Variants in SLCO4C1 observed in about 807,000 individuals in gnomAD.
SLCO4C1 encodes solute carrier organic anion transporter family member 4C1.
Under a neutral mutation model 72.1 loss-of-function variants are expected in SLCO4C1, and 58 were observed. The observed-to-expected ratio is 0.80, with a 90% CI of 0.65 to 1.00. The LOEUF (loss-of-function observed/expected upper bound fraction) is 1.00. Ranked by LOEUF, SLCO4C1 falls within the 50% of genes least tolerant of loss-of-function variation. SLCO4C1 has a pLI of 0.00. For missense variants in SLCO4C1, 898 were observed against 857.9 expected (o/e 1.05, Z -0.58); for synonymous variants, 297 against 312.5 (o/e 0.95, Z 0.52).
chr5:102,273,799 T>A (rs1309754375), intron 2 of SLCO4C1, among the ~76,000 whole-genome samples: 1 of 152,178 alleles, frequency 6.6e-6, no homozygotes, highest in Non-Finnish European at 1.5e-5. Context: ...ATACAGTTTA[T>A]AAAATAGCTA....
chr5:102,261,883 C>A, intron 5 of SLCO4C1, 29 bp downstream of exon 5: 4 of 1,584,108 alleles, frequency 2.5e-6, no homozygotes, highest in East Asian at 2.3e-5. Context: ...TAAAATAAAC[C>A]TCTCTGGTTT....
intron 3 of SLCO4C1, among the ~76,000 whole-genome samples, chr5:102,264,633 C>T (rs1221751591): frequency 6.6e-6 from 1 of 150,408 alleles, no homozygotes; most frequent in Non-Finnish European, 1.5e-5. Flanking sequence ...TGGGAACATT[C>T]AACATCCCCT....
chr5:102,254,634 C>A (rs1247134176), intron 8 of SLCO4C1, among the ~76,000 whole-genome samples: 1 of 152,180 alleles, frequency 6.6e-6, no homozygotes, highest in African/African-American at 2.4e-5. Flanking sequence ...AGGCAAGACT[C>A]TCTACCAGCA....
intron 3 of SLCO4C1, 107 bp from the exon 4 acceptor site, chr5:102,263,887 CAT>C: frequency 2.5e-6 from 2 of 785,968 alleles, no homozygotes; most frequent in Non-Finnish European, 4.1e-6. Flanking sequence ...AACAATTAAA[CAT>C]ATCAAAATCA....
chr5:102,291,500 T>G lies in SLCO4C1; in HGVS notation c.462A>C (p.Ser154=), dbSNP rs775698981. Residue 154 remains serine, a synonymous_variant, in exon 2 of 13, where the codon TCA becomes TCC. Coordinates refer to ENST00000310954, the MANE Select transcript of SLCO4C1 (RefSeq NM_180991.5). ...ATACAAATAAAGACAACAAACAGAA[T>G]GAAATATCGTAGCTTGATGAAATCA... The part of the protein sequence containing the change: ...TGLISSSYDI[S]FCLLSLFVSF... 5.0e-6 allele frequency: 8 copies of G among 1,614,094 alleles called. No homozygotes were observed. Among genetic ancestry groups the G allele is most frequent in the Non-Finnish European group, 6.8e-6 (8 of 1,180,010 alleles).
chr5:102,239,313 C>T lies in SLCO4C1; in HGVS notation c.1952G>A (p.Gly651Glu). Residue 651 changes from glycine (G) to glutamate (E), a missense_variant, in exon 12 of 13, where the codon GGA (glycine) becomes GAA (glutamate). Transcript: ENST00000310954. ...TCILWDINDC[G>E]IKGACWIYDN... ...ATAAATCCAGCAAGCTCCTTTAATT[C>T]CACAATCATTTATATCCCAAAGAAT... 6.2e-7 allele frequency: 1 copy of T among 1,602,938 alleles called. No individual in the cohort carries two copies. The highest frequency in any genetic ancestry group is 8.5e-7 in the Non-Finnish European group (1 of 1,174,702).
At chr5:102,288,674 C>T (rs754769842) in intron 2 of SLCO4C1, among the ~76,000 whole-genome samples, 1 of 152,182 alleles carries the variant, frequency 6.6e-6, no homozygotes, top group Non-Finnish European at 1.5e-5. Flanking sequence ...TTTGACAATG[C>T]TGACCAAAAC....
intron 8 of SLCO4C1, among the ~76,000 whole-genome samples, chr5:102,252,865 T>C (rs994302329): frequency 1.3e-5 from 2 of 152,108 alleles, no homozygotes; most frequent in African/African-American, 4.8e-5. Flanking sequence ...TTAAAAATAT[T>C]AAAATATCCT....
intron 3 of SLCO4C1, 58 bp from the exon 4 acceptor site, chr5:102,263,838 C>T: frequency 7.7e-7 from 1 of 1,295,612 alleles, no homozygotes; most frequent in East Asian, 2.3e-5. Context: ...CTTTGCATAT[C>T]TAACAGTGAA....
intron 8 of SLCO4C1, among the ~76,000 whole-genome samples, chr5:102,254,999 T>C (rs1748808435): frequency 6.6e-6 from 1 of 151,282 alleles, no homozygotes; most frequent in African/African-American, 2.4e-5. Context: ...AAGCTAAAAC[T>C]AAGAATTTGG....
In SLCO4C1 at chr5:102,257,175, A is replaced by G. The variant is rs751329222; in HGVS notation, c.1409T>C (p.Val470Ala). 1 of 1,607,918 alleles carries G rather than the reference A, an allele frequency of 6.2e-7. No individual in the cohort carries two copies. Reference protein sequence around the residue: ...TSGVALTLSFVFMYAKCENEP... With the variant: ...TSGVALTLSFAFMYAKCENEP... ...ATTTTCACATTTGGCATACATAAAT[A>G]CAAAACTCAGCGTAAGTGCAACTCC... is the stretch of plus-strand genomic sequence containing the variant. The change falls in exon 8 of 13, where the codon GTA becomes GCA. Residue 470 changes from valine (V) to alanine (A), a missense_variant. Val to Ala is a moderately conservative substitution (Grantham distance 64). Transcript: ENST00000310954.
chr5:102,260,106 A>G (rs1748907088), intron 6 of SLCO4C1, 107 bp downstream of exon 6: 1 of 264,176 alleles, frequency 3.8e-6, no homozygotes, highest in African/African-American at 2.3e-5. Context: ...ATATGTGTGT[A>G]TATATAATAT....
chr5:102,248,631 T>C (rs1314620631), intron 9 of SLCO4C1, among the ~76,000 whole-genome samples: 1 of 152,144 alleles, frequency 6.6e-6, no homozygotes, highest in Non-Finnish European at 1.5e-5. Flanking sequence ...TCAAAGTTAG[T>C]CAATAGCATT....
intron 2 of SLCO4C1, among the ~76,000 whole-genome samples, chr5:102,287,536 T>C (rs866524337): frequency 4.6e-5 from 2 of 43,752 alleles, no homozygotes; most frequent in South Asian, 8.3e-4. Context: ...TTTCACTTCT[T>C]TTTTTTTTTT....
chr5:102,295,794 C>A (rs1444450454), intron 1 of SLCO4C1, 114 bp downstream of exon 1: 12 of 1,077,114 alleles, frequency 1.1e-5, no homozygotes, highest in South Asian at 3.3e-5. Flanking sequence ...GGCCACCTTG[C>A]AGGGCGCGTC....
At position 102,296,247 on chromosome 5, in the gene SLCO4C1, C is replaced by T. The variant is rs1301827383; in HGVS notation, c.16G>A (p.Gly6Ser). 6.5e-7 allele frequency: 1 copy of T among 1,541,922 alleles called. No individual in the cohort carries two copies. The highest frequency in any genetic ancestry group is 8.7e-7 in the Non-Finnish European group (1 of 1,145,918). ...GGGACAAAAGCCAAGTTCTCAATAC[C>T]TTTGGCGCTCTTCATGTCTGGATGG... MKSAK[G>S]IENLAFVPSS... The change falls in exon 1 of 13, where the codon GGT becomes AGT. Residue 6 changes from glycine (G) to serine (S), a missense_variant. Coordinates refer to ENST00000310954, the MANE Select transcript of SLCO4C1 (RefSeq NM_180991.5).
chr5:102,295,903 T>C lies in SLCO4C1; in HGVS notation c.355+5A>G, dbSNP rs569995984. 1 of 1,610,624 alleles carries C rather than the reference T, an allele frequency of 6.2e-7. No individual in the cohort carries two copies. The highest frequency in any genetic ancestry group is 2.2e-5 in the East Asian group (1 of 44,806). On this transcript the variant is annotated splice_donor_5th_base_variant and intron_variant, in intron 1 of 12. Coordinates refer to ENST00000310954, the MANE Select transcript of SLCO4C1 (RefSeq NM_180991.5). ...CCCGAGCCTCAAGCGGGCGCTGGAC[T>C]TTACCTTGCGTGACGGCCAAGAGGC...
At chr5:102,274,496 A>G (rs1163289037) in intron 2 of SLCO4C1, among the ~76,000 whole-genome samples, 2 of 152,150 alleles carry the variant, frequency 1.3e-5, no homozygotes, top group African/African-American at 4.8e-5. Flanking sequence ...CTGCTCTCCA[A>G]GCATTTGCCC....
intron 12 of SLCO4C1, 50 bp from the exon 13 acceptor site, chr5:102,237,068 A>C (rs1273499628): frequency 6.7e-7 from 1 of 1,492,720 alleles, no homozygotes; most frequent in South Asian, 1.3e-5. Flanking sequence ...AATTATGATA[A>C]AAATTATCAC....
Sources: allele counts gnomAD v4.1 joint callset (sites outside exome capture counted in the v4.1 genomes callset), GRCh38; gene constraint gnomAD v4.1.1; transcripts MANE v1.5; gene names NCBI Gene and HGNC (gene_info 2026-07-23, HGNC 2026-07-21).